The following CNBD1 variants were observed in gnomAD, a reference collection of about 807,000 sequenced individuals.
The protein encoded by CNBD1 is cyclic nucleotide-binding domain-containing protein 1.
Under a neutral mutation model 54.4 loss-of-function variants are expected in CNBD1, and 71 were observed. The observed-to-expected ratio is 1.30, with a 90% CI of 1.08 to 1.59. The LOEUF is 1.59. CNBD1 is among the 40% of genes most tolerant of loss of function. The pLI is 0.00. For missense variants in CNBD1, 659 were observed against 518.0 expected (o/e 1.27, Z -2.64); for synonymous variants, 182 against 170.7 (o/e 1.07, Z -0.51).
intron 4 of CNBD1, among the ~76,000 whole-genome samples, chr8:87,091,904 T>G (rs1811209846): frequency 6.6e-6 from 1 of 152,150 alleles, no homozygotes; most frequent in South Asian, 2.1e-4. Flanking sequence ...CCTATAAATA[T>G]GCGTAGGAAA....
intron 4 of CNBD1, among the ~76,000 whole-genome samples, chr8:87,084,236 T>G (rs535678640): frequency 6.6e-6 from 1 of 152,352 alleles, no homozygotes; most frequent in African/African-American, 2.4e-5. Flanking sequence ...TTTTAAAAAG[T>G]TTTAAAATCT....
intron 8 of CNBD1, among the ~76,000 whole-genome samples, chr8:87,320,594 G>T (rs1290237303): frequency 6.9e-6 from 1 of 145,276 alleles, no homozygotes; most frequent in Non-Finnish European, 1.5e-5. Context: ...TCAAAAGAAA[G>T]TGTGTGTATG....
chr8:87,262,161 CAAACA>C (rs1210305059), intron 6 of CNBD1, among the ~76,000 whole-genome samples: 1 of 151,750 alleles, frequency 6.6e-6, no homozygotes, highest in Non-Finnish European at 1.5e-5. Context: ...CTAAAACACA[CAAACA>C]AAACAAAACA....
At chr8:87,142,605 A>C (rs1812392909) in intron 4 of CNBD1, among the ~76,000 whole-genome samples, 1 of 152,196 alleles carries the variant, frequency 6.6e-6, no homozygotes, top group Admixed American at 6.5e-5. Context: ...TAAATCTTAC[A>C]TAGTGCCATA....
At chr8:87,126,547 C>A (rs552719156) in intron 4 of CNBD1, among the ~76,000 whole-genome samples, 1 of 152,004 alleles carries the variant, frequency 6.6e-6, no homozygotes, top group African/African-American at 2.4e-5. Context: ...ATGGCTATAT[C>A]TCCTTTATCA....
chr8:87,072,388 C>T (rs565319315), intron 4 of CNBD1, among the ~76,000 whole-genome samples: 1 of 152,228 alleles, frequency 6.6e-6, no homozygotes, highest in East Asian at 1.9e-4. Flanking sequence ...TATGTGGTTG[C>T]TTCATAGTGT....
chr8:87,019,497 T>G (rs1809437444), intron 4 of CNBD1, among the ~76,000 whole-genome samples: 1 of 152,166 alleles, frequency 6.6e-6, no homozygotes, highest in Non-Finnish European at 1.5e-5. Flanking sequence ...CTATAACAAT[T>G]TAAACACCAA....
intron 4 of CNBD1, among the ~76,000 whole-genome samples, chr8:87,169,526 G>T (rs1285734008): frequency 6.6e-6 from 1 of 152,026 alleles, no homozygotes; most frequent in African/African-American, 2.4e-5. Flanking sequence ...TCTTGTAGTA[G>T]TTTCATAGCT....
At chr8:87,366,525 T>G (rs1338229445) in intron 10 of CNBD1, among the ~76,000 whole-genome samples, 1 of 152,090 alleles carries the variant, frequency 6.6e-6, no homozygotes, top group African/African-American at 2.4e-5. Flanking sequence ...TTCATGTGAT[T>G]GGGCTAGGCC....
intron 2 of CNBD1, among the ~76,000 whole-genome samples, chr8:87,403,391 G>C (rs1310412836): frequency 1.3e-5 from 2 of 151,982 alleles, no homozygotes; most frequent in Non-Finnish European, 2.9e-5. Context: ...ATGGCCAATA[G>C]AGAGAAGAGT....
chr8:87,270,139 A>G (rs562481712), intron 6 of CNBD1, among the ~76,000 whole-genome samples: 4 of 151,990 alleles, frequency 2.6e-5, no homozygotes, highest in African/African-American at 9.7e-5. Context: ...TGCCACATAA[A>G]TAGAATTAAT....
At chr8:87,420,716 A>C (rs555586632) in intron 2 of CNBD1, among the ~76,000 whole-genome samples, 1 of 151,304 alleles carries the variant, frequency 6.6e-6, no homozygotes, top group African/African-American at 2.4e-5. Context: ...ACTGATTCCT[A>C]ATTTTGTTTT....
At chr8:87,287,520 T>C (rs1808720898) in intron 8 of CNBD1, among the ~76,000 whole-genome samples, 2 of 152,204 alleles carry the variant, frequency 1.3e-5, no homozygotes, top group Admixed American at 6.6e-5. Flanking sequence ...GCCACAATTA[T>C]AGTGAGGGAC....
intron 8 of CNBD1, among the ~76,000 whole-genome samples, chr8:87,300,056 G>A (rs1808954189): frequency 6.6e-6 from 1 of 152,054 alleles, no homozygotes; most frequent in African/African-American, 2.4e-5. Flanking sequence ...TTGGACACTT[G>A]GCTTAACCTG....
intron 5 of CNBD1, among the ~76,000 whole-genome samples, chr8:87,230,304 G>A (rs1814649904): frequency 1.3e-5 from 2 of 152,144 alleles, no homozygotes; most frequent in South Asian, 4.2e-4. Context: ...GATTTGGGCA[G>A]CGACACAGAT....
intron 8 of CNBD1, among the ~76,000 whole-genome samples, chr8:87,317,004 A>G (rs1003267949): frequency 6.6e-6 from 1 of 151,828 alleles, no homozygotes; most frequent in African/African-American, 2.4e-5. Context: ...GATGAATTAC[A>G]TAAACTTCTC....
At chr8:87,081,915 A>G (rs1811002295) in intron 4 of CNBD1, among the ~76,000 whole-genome samples, 1 of 152,206 alleles carries the variant, frequency 6.6e-6, no homozygotes, top group Admixed American at 6.5e-5. Flanking sequence ...GATTATTGAT[A>G]GAGGATTAAT....
intron 9 of CNBD1, among the ~76,000 whole-genome samples, chr8:87,353,034 C>A (rs114515354): frequency 1.3e-5 from 2 of 152,166 alleles, no homozygotes; most frequent in South Asian, 4.1e-4. Flanking sequence ...TTTGAGGTCT[C>A]AAAATTTTCT....
intron 2 of CNBD1, among the ~76,000 whole-genome samples, chr8:87,409,134 T>A (rs552087563): frequency 8.5e-5 from 13 of 152,290 alleles, no homozygotes; most frequent in Non-Finnish European, 1.9e-4. Context: ...AGCTTTTAGC[T>A]AAATAGTAGC....
Sources: allele counts gnomAD v4.1 joint callset (sites outside exome capture counted in the v4.1 genomes callset), GRCh38; gene constraint gnomAD v4.1.1; transcripts MANE v1.5; gene names NCBI Gene and HGNC (gene_info 2026-07-23, HGNC 2026-07-21).